The following TENM3 variants were observed in gnomAD, a reference collection of about 807,000 sequenced individuals.
TENM3 encodes the protein teneurin transmembrane protein 3, also known as teneurin-3.
TENM3 carries 63 observed loss-of-function variants against 255.1 expected under a neutral mutation model. That is an observed-to-expected ratio of 0.25 (90% confidence interval 0.20 to 0.30). The LOEUF (loss-of-function observed/expected upper bound fraction) is 0.30. Among genes scored for constraint, TENM3 ranks in the 10% least tolerant of loss-of-function variants. The probability of loss-of-function intolerance (pLI) is 1.00; values close to 1 mark genes in which losing one functional copy is unlikely to be tolerated. For missense variants in TENM3, 2,929 were observed against 3,461.1 expected (o/e 0.85, Z 3.86); for synonymous variants, 1,306 against 1,322.3 (o/e 0.99, Z 0.27).
chr4:182,270,283 A>G (rs960061317), intron 1 of TENM3, among the ~76,000 whole-genome samples: 1 of 152,186 alleles, frequency 6.6e-6, no homozygotes, highest in Non-Finnish European at 1.5e-5. Context: ...AATTCCCCCC[A>G]TGAAAGATGG....
At chr4:181,682,258 A>T in the TENM3 span, among the ~76,000 whole-genome samples, 14 of 152,274 alleles carry the variant, frequency 9.2e-5, no homozygotes, top group Non-Finnish European at 1.6e-4. Context: ...AAATCTCATT[A>T]AGCCAGCTAG....
chr4:181,779,264 T>G, the TENM3 span, among the ~76,000 whole-genome samples: 7 of 78,926 alleles, frequency 8.9e-5, no homozygotes, highest in Admixed American at 9.9e-4. Context: ...CTTTAAGTTA[T>G]TTATTTATTT....
At chr4:182,472,736 T>TA (rs397719600) in intron 3 of TENM3, among the ~76,000 whole-genome samples, 1 of 151,864 alleles carries the variant, frequency 6.6e-6, no homozygotes, top group East Asian at 1.9e-4. Flanking sequence ...AATTTTTTTT[T>TA]AAGAGAGTCT....
chr4:181,677,699 G>A, the TENM3 span, among the ~76,000 whole-genome samples: 1 of 152,024 alleles, frequency 6.6e-6, no homozygotes, highest in Non-Finnish European at 1.5e-5. Flanking sequence ...AGAATTGAAT[G>A]CCTTTTCGTT....
chr4:182,796,825 T>C, intron 27 of TENM3, 58 bp downstream of exon 27: 6 of 1,385,576 alleles, frequency 4.3e-6, no homozygotes, highest in Non-Finnish European at 5.9e-6. Context: ...TATCTACCCA[T>C]ATCTAATCAA....
At chr4:181,549,686 A>T in the TENM3 span, among the ~76,000 whole-genome samples, 13 of 152,180 alleles carry the variant, frequency 8.5e-5, 1 homozygote, top group Admixed American at 8.5e-4. Context: ...AAAACACATA[A>T]TAGGCTCTAA....
At chr4:182,478,461 A>T (rs9654293) in intron 3 of TENM3, among the ~76,000 whole-genome samples, 1,595 of 151,156 alleles carry the variant, frequency 0.011, 24 homozygotes, top group African/African-American at 0.037. Flanking sequence ...TTTTTTTTTT[A>T]ATAATTAATC....
At chr4:182,588,913 C>G (rs1351289684) in intron 3 of TENM3, among the ~76,000 whole-genome samples, 2 of 152,194 alleles carry the variant, frequency 1.3e-5, no homozygotes, top group African/African-American at 4.8e-5. Context: ...CACTTTGGAG[C>G]AGCAACCATT....
the TENM3 span, among the ~76,000 whole-genome samples, chr4:181,864,780 A>G: frequency 6.6e-6 from 1 of 152,260 alleles, no homozygotes; most frequent in African/African-American, 2.4e-5. Flanking sequence ...CAATTCCTTA[A>G]CTAGAGCTTT....
the TENM3 span, among the ~76,000 whole-genome samples, chr4:181,705,417 T>C: frequency 2.6e-5 from 4 of 152,216 alleles, no homozygotes; most frequent in African/African-American, 4.8e-5. Context: ...AGAGAAAGCT[T>C]TGGAGTCTGT....
chr4:181,473,194 G>A, the TENM3 span, among the ~76,000 whole-genome samples: 1 of 152,138 alleles, frequency 6.6e-6, no homozygotes, highest in South Asian at 2.1e-4. Flanking sequence ...AATCTATGAT[G>A]AACAAAATAT....
chr4:182,625,043 C>T (rs971196967), intron 4 of TENM3, among the ~76,000 whole-genome samples: 5 of 152,094 alleles, frequency 3.3e-5, no homozygotes, highest in Admixed American at 1.3e-4. Context: ...TATTCTTCAC[C>T]GCATTATGGT....
At chr4:181,668,042 A>T in the TENM3 span, among the ~76,000 whole-genome samples, 17 of 152,194 alleles carry the variant, frequency 1.1e-4, no homozygotes, top group African/African-American at 3.9e-4. Flanking sequence ...AGCACCATGA[A>T]GGCAAGAATT....
chr4:182,507,962 C>G (rs1275514789), intron 3 of TENM3, among the ~76,000 whole-genome samples: 1 of 152,020 alleles, frequency 6.6e-6, no homozygotes, highest in Non-Finnish European at 1.5e-5. Context: ...TTCATGGGTC[C>G]TGGAGCAGAT....
At chr4:181,837,351 A>G in the TENM3 span, among the ~76,000 whole-genome samples, 5 of 152,324 alleles carry the variant, frequency 3.3e-5, no homozygotes, top group South Asian at 1.0e-3. Flanking sequence ...TTTTCAAAAT[A>G]CTTCTATTCC....
At chr4:181,501,884 TACAGG>T in the TENM3 span, among the ~76,000 whole-genome samples, 25 of 152,256 alleles carry the variant, frequency 1.6e-4, no homozygotes, top group South Asian at 1.9e-3. Flanking sequence ...CAGGCTCAGC[TACAGG>T]GCGAGCCGGG....
chr4:182,595,023 T>G (rs1747065809), intron 3 of TENM3, among the ~76,000 whole-genome samples: 1 of 152,168 alleles, frequency 6.6e-6, no homozygotes, highest in African/African-American at 2.4e-5. Flanking sequence ...GTCTCTTCCC[T>G]GTTCTTGGCA....
At chr4:182,037,077 A>C in the TENM3 span, among the ~76,000 whole-genome samples, 5 of 152,072 alleles carry the variant, frequency 3.3e-5, no homozygotes, top group Admixed American at 1.3e-4. Flanking sequence ...ATGGAGTTCT[A>C]TATAGATGTA....
chr4:182,656,134 C>CT (rs1472219484), intron 6 of TENM3, among the ~76,000 whole-genome samples: 9 of 152,088 alleles, frequency 5.9e-5, no homozygotes, highest in Non-Finnish European at 1.3e-4. Context: ...AAGCGAAGTA[C>CT]TTTCTTCCTA....
Sources: gnomAD v4.1 joint callset for allele counts (sites outside exome capture counted in the v4.1 genomes callset) on GRCh38, gnomAD v4.1.1 for gene constraint, MANE v1.5 for transcripts, NCBI Gene and HGNC (gene_info 2026-07-23, HGNC 2026-07-21) for gene names.